Variants in AGPS observed in about 807,000 individuals in gnomAD.
AGPS encodes the protein alkylglycerone phosphate synthase.
Under a neutral mutation model 90.7 loss-of-function variants are expected in AGPS, and 26 were observed. The ratio of observed to expected loss-of-function variants is 0.29; its 90% CI spans 0.21 to 0.40. The LOEUF (loss-of-function observed/expected upper bound fraction) is 0.40, where lower values mean the gene tolerates loss of function less well. AGPS is among the 10% of genes least tolerant of loss of function. The pLI, the probability that AGPS is intolerant of heterozygous loss-of-function variation, is 1.00. For synonymous variants in AGPS, 294 were observed against 285.3 expected (o/e 1.03, Z -0.31); for missense variants, 540 against 816.1 (o/e 0.66, Z 4.12).
intron 11 of AGPS, among the ~76,000 whole-genome samples, chr2:177,483,781 G>A (rs1033209399): frequency 6.6e-6 from 1 of 152,168 alleles, no homozygotes; most frequent in Non-Finnish European, 1.5e-5. Flanking sequence ...AGGAGGATTG[G>A]AGATAAGTTT....
intron 7 of AGPS, among the ~76,000 whole-genome samples, chr2:177,444,683 T>C (rs911209509): frequency 1.1e-4 from 16 of 152,120 alleles, no homozygotes. Flanking sequence ...GATTTATCTA[T>C]GTTAGTTATT....
chr2:177,446,157 T>TG (rs1449682036), intron 8 of AGPS, among the ~76,000 whole-genome samples: 1 of 151,956 alleles, frequency 6.6e-6, no homozygotes, highest in Non-Finnish European at 1.5e-5. Flanking sequence ...TACTTTTTTT[T>TG]TTTTTATTTT....
intron 1 of AGPS, among the ~76,000 whole-genome samples, chr2:177,396,051 A>G (rs1205996902): frequency 1.4e-5 from 2 of 144,862 alleles, no homozygotes. Flanking sequence ...CAAATGTAGC[A>G]CAAAGGAAAG....
At chr2:177,407,331 A>C (rs76979475) in intron 1 of AGPS, among the ~76,000 whole-genome samples, 4 of 152,334 alleles carry the variant, frequency 2.6e-5, no homozygotes, top group African/African-American at 9.6e-5. Context: ...TTGCATTGCT[A>C]TAAAGAAATA....
At chr2:177,451,245 C>T (rs1483005708) in intron 8 of AGPS, among the ~76,000 whole-genome samples, 1 of 152,044 alleles carries the variant, frequency 6.6e-6, no homozygotes, top group African/African-American at 2.4e-5. Flanking sequence ...TATGAGCCAC[C>T]ATACCTGGCC....
intron 5 of AGPS, among the ~76,000 whole-genome samples, chr2:177,438,670 C>G (rs1227252264): frequency 6.6e-6 from 1 of 152,108 alleles, no homozygotes; most frequent in African/African-American, 2.4e-5. Context: ...CTCCCATACA[C>G]CGTTGGGAGA....
chr2:177,513,195 A>G (rs985022848), intron 16 of AGPS, among the ~76,000 whole-genome samples: 3 of 152,048 alleles, frequency 2.0e-5, no homozygotes, highest in African/African-American at 7.2e-5. Flanking sequence ...CCTGGGCTCC[A>G]GCGATTCTCC....
At chr2:177,533,780 A>G (rs1160328390) in intron 19 of AGPS, among the ~76,000 whole-genome samples, 1 of 152,214 alleles carries the variant, frequency 6.6e-6, no homozygotes, top group East Asian at 1.9e-4. Flanking sequence ...GTCAGATTAA[A>G]TTAAATCTTG....
rs192280619 is a variant in AGPS, at chr2:177,475,719, A to G, written c.1106-6340A>G. Among the ~76,000 whole-genome samples the G allele has an allele frequency of 1.9e-3, 283 of 152,258 alleles. 1 individual carries two copies. Among genetic ancestry groups the G allele is most frequent in the Non-Finnish European group, 3.5e-3 (235 of 68,016 alleles). On this transcript the variant is annotated intron_variant, in intron 10 of 19. Coordinates refer to ENST00000264167, the MANE Select transcript of AGPS (RefSeq NM_003659.4). ...TCCATTCATTACTGAGATTGTTTCC[A>G]CATTTTGGCTGTTATGAATTGTGCT...
At chr2:177,435,748 T>C (rs924072731) in intron 3 of AGPS, among the ~76,000 whole-genome samples, 2 of 152,246 alleles carry the variant, frequency 1.3e-5, no homozygotes, top group Admixed American at 6.5e-5. Flanking sequence ...TTCCAAATAC[T>C]GTATGATAGC....
At chr2:177,520,607 C>G (rs577874937) in intron 17 of AGPS, among the ~76,000 whole-genome samples, 1 of 152,132 alleles carries the variant, frequency 6.6e-6, no homozygotes. Flanking sequence ...AAAACACGCT[C>G]TTGAAAAGTA....
chr2:177,398,364 T>G (rs1216091391), intron 1 of AGPS, among the ~76,000 whole-genome samples: 2 of 152,212 alleles, frequency 1.3e-5, no homozygotes, highest in Non-Finnish European at 2.9e-5. Flanking sequence ...ATGCTAAAGC[T>G]TATGTACATT....
rs1208047537 is a variant in AGPS, at chr2:177,418,742, C to G, written c.261-1527C>G. ...GAAAAAAAGCAAAGTGGAAAATATCCTAATCTGTTTTTAGAATGTGAAAAT... is the reference window on the plus strand; with the variant it reads ...GAAAAAAAGCAAAGTGGAAAATATCGTAATCTGTTTTTAGAATGTGAAAAT... On this transcript the variant is annotated intron_variant, in intron 1 of 19. Transcript: ENST00000264167. Among the ~76,000 whole-genome samples, 4 of 150,858 alleles carry G rather than the reference C, an allele frequency of 2.7e-5. No individual in the cohort carries two copies. The East Asian group carries it at 5.8e-4, about 22-fold the overall frequency.
At chr2:177,462,218 G>A (rs1444537900) in intron 9 of AGPS, among the ~76,000 whole-genome samples, 200 bp downstream of exon 9, 5 of 151,422 alleles carry the variant, frequency 3.3e-5, no homozygotes, top group African/African-American at 9.7e-5. Context: ...GTGAAACCCC[G>A]TCTCTACTAA....
chr2:177,464,002 C>T (rs992769345), intron 9 of AGPS, among the ~76,000 whole-genome samples: 10 of 152,102 alleles, frequency 6.6e-5, no homozygotes, highest in African/African-American at 2.2e-4. Context: ...AGTGCAGTGG[C>T]ACAATCTCAG....
At chr2:177,507,935 G>A (rs1457329172) in intron 15 of AGPS, 35 bp from the exon 16 acceptor site, 1 of 1,390,890 alleles carries the variant, frequency 7.2e-7, no homozygotes, top group Non-Finnish European at 1.0e-6. Context: ...TGCATCTGTT[G>A]TAGTTTCTTG....
chr2:177,417,703 A>G lies in AGPS; in HGVS notation c.261-2566A>G, dbSNP rs938351299. ...AGTTTCTTTATCTGAAAAATGAGCA[A>G]TTGAACTGGATGGGTTCTGAGGATC... is the stretch of plus-strand genomic sequence containing the variant. On this transcript the variant is annotated intron_variant, in intron 1 of 19. Coordinates refer to ENST00000264167, the MANE Select transcript of AGPS (RefSeq NM_003659.4). Among the ~76,000 whole-genome samples the G allele has an allele frequency of 5.9e-5, 9 of 152,300 alleles. No individual in the cohort carries two copies. The South Asian group carries it at 6.2e-4, about 11-fold the overall frequency.
At chr2:177,442,072 C>T (rs1686622769) in intron 6 of AGPS, among the ~76,000 whole-genome samples, 1 of 152,154 alleles carries the variant, frequency 6.6e-6, no homozygotes, top group East Asian at 1.9e-4. Flanking sequence ...TAAGCTACCT[C>T]TCCATGGTAA....
chr2:177,403,964 A>G (rs994832485), intron 1 of AGPS, among the ~76,000 whole-genome samples: 1 of 152,212 alleles, frequency 6.6e-6, no homozygotes, highest in African/African-American at 2.4e-5. Flanking sequence ...ACATTTTTAA[A>G]AAAGGGCCTT....
Sources: gnomAD v4.1 joint callset for allele counts (sites outside exome capture counted in the v4.1 genomes callset) on GRCh38, gnomAD v4.1.1 for gene constraint, MANE v1.5 for transcripts, NCBI Gene and HGNC (gene_info 2026-07-23, HGNC 2026-07-21) for gene names.